The following RAPGEF2 variants were observed in gnomAD, a reference collection of about 807,000 sequenced individuals.
RAPGEF2 encodes PDZ domain containing guanine nucleotide exchange factor (GEF) 1.
Under a neutral mutation model 186.7 loss-of-function variants are expected in RAPGEF2, and 54 were observed. The observed-to-expected ratio is 0.29, with a 90% CI of 0.23 to 0.36. The LOEUF (loss-of-function observed/expected upper bound fraction) is 0.36, where lower values mean the gene tolerates loss of function less well. RAPGEF2 is among the 10% of genes least tolerant of loss of function. The pLI, the probability that RAPGEF2 is intolerant of heterozygous loss-of-function variation, is 1.00. For missense variants in RAPGEF2, 1,532 were observed against 2,045.0 expected (o/e 0.75, Z 4.84); for synonymous variants, 712 against 705.9 (o/e 1.01, Z -0.14).
intron 25 of RAPGEF2, among the ~76,000 whole-genome samples, chr4:159,349,348 C>T (rs1730843797): frequency 6.6e-6 from 1 of 152,122 alleles, no homozygotes; most frequent in Non-Finnish European, 1.5e-5. Flanking sequence ...ATTGAGAGTG[C>T]CTCATAATAA....
At chr4:159,339,447 ATGAG>A (rs1319454815) in intron 19 of RAPGEF2, 93 bp downstream of exon 19, 1 of 1,411,844 alleles carries the variant, frequency 7.1e-7, no homozygotes, top group Non-Finnish European at 9.6e-7. Context: ...TGTTTTTTAA[ATGAG>A]TAAGTGTCCC....
intron 4 of RAPGEF2, among the ~76,000 whole-genome samples, chr4:159,233,450 AT>A (rs1561119284): frequency 6.6e-6 from 1 of 152,354 alleles, no homozygotes; most frequent in Admixed American, 6.5e-5. Flanking sequence ...CTTGTCAAAA[AT>A]CAACTGGTCA....
intron 1 of RAPGEF2, among the ~76,000 whole-genome samples, chr4:159,120,269 C>T (rs1739516746): frequency 1.3e-5 from 2 of 152,230 alleles, no homozygotes; most frequent in Non-Finnish European, 2.9e-5. Flanking sequence ...ATCTACATGC[C>T]TTGGCCTCCC....
At chr4:159,292,087 C>T (rs1044054649) in intron 7 of RAPGEF2, among the ~76,000 whole-genome samples, 22 of 152,078 alleles carry the variant, frequency 1.4e-4, no homozygotes, top group African/African-American at 4.8e-4. Flanking sequence ...ACCACCGTTG[C>T]TGATATTTAA....
chr4:159,255,039 C>T (rs905460177), intron 7 of RAPGEF2, among the ~76,000 whole-genome samples: 5 of 152,158 alleles, frequency 3.3e-5, no homozygotes, highest in Non-Finnish European at 5.9e-5. Flanking sequence ...TTTACATATA[C>T]AAATACTATT....
intron 1 of RAPGEF2, among the ~76,000 whole-genome samples, chr4:159,153,088 C>G (rs1743739783): frequency 1.3e-5 from 2 of 152,140 alleles, no homozygotes; most frequent in Non-Finnish European, 2.9e-5. Context: ...TATATTATTT[C>G]AATAATCTTT....
chr4:159,202,589 C>T (rs146342481), intron 3 of RAPGEF2, among the ~76,000 whole-genome samples: 17 of 152,152 alleles, frequency 1.1e-4, no homozygotes, highest in Non-Finnish European at 1.9e-4. Context: ...TTGTCAGTCC[C>T]CCTTGGCTTT....
intron 4 of RAPGEF2, among the ~76,000 whole-genome samples, chr4:159,234,908 T>G (rs1208690382): frequency 6.6e-6 from 1 of 152,152 alleles, no homozygotes; most frequent in East Asian, 1.9e-4. Context: ...TACAGGTGCC[T>G]GCCATCATGC....
At position 159,143,161 on chromosome 4, in the gene RAPGEF2, TC is replaced by T. The variant is rs560603525; in HGVS notation, c.69+38932del. Among the ~76,000 whole-genome samples the T allele has an allele frequency of 2.8e-4, 42 of 152,202 alleles. 1 individual carries two copies. The South Asian group carries it at 8.5e-3, about 31-fold the overall frequency. ...CTGAAAATCACTTGAGCTCAGGAGTTCCAGGCTGTATCATATGATGATCGCT... is the reference window on the plus strand; with the variant it reads ...CTGAAAATCACTTGAGCTCAGGAGTTCAGGCTGTATCATATGATGATCGCT... On this transcript the variant is annotated intron_variant, in intron 1 of 29. Transcript: ENST00000691494.
chr4:159,126,210 A>G (rs1352572627), intron 1 of RAPGEF2, among the ~76,000 whole-genome samples: 1 of 152,152 alleles, frequency 6.6e-6, no homozygotes, highest in East Asian at 1.9e-4. Context: ...ACTGTGTAGC[A>G]TTTTATACAT....
chr4:159,142,737 T>G (rs1742491742), intron 1 of RAPGEF2, among the ~76,000 whole-genome samples: 1 of 152,198 alleles, frequency 6.6e-6, no homozygotes, highest in African/African-American at 2.4e-5. Flanking sequence ...TCTTCTCTCT[T>G]ATAAATAGTA....
At chr4:159,238,129 C>A (rs1314595093) in intron 4 of RAPGEF2, among the ~76,000 whole-genome samples, 1 of 152,110 alleles carries the variant, frequency 6.6e-6, no homozygotes, top group Non-Finnish European at 1.5e-5. Flanking sequence ...GTTTGCATAT[C>A]CCTATGTCAG....
chr4:159,302,302 A>C (rs1762764820), intron 7 of RAPGEF2, among the ~76,000 whole-genome samples: 1 of 150,562 alleles, frequency 6.6e-6, no homozygotes, highest in South Asian at 2.1e-4. Context: ...AAATATAAAA[A>C]TTCATTAGAT....
chr4:159,131,519 A>ATTGTTTTTTTTTTTTTTTTTTTTTTT, intron 1 of RAPGEF2, among the ~76,000 whole-genome samples: 9 of 37,210 alleles, frequency 2.4e-4, no homozygotes, highest in African/African-American at 6.0e-4. Flanking sequence ...ATTAATTGCT[A>ATTGTTTTTTTTTTTTTTTTTTTTTTT]TTTTTTTTTT....
chr4:159,229,597 A>G (rs983744577), intron 4 of RAPGEF2: 2 of 152,152 alleles, frequency 1.3e-5, no homozygotes, highest in Non-Finnish European at 2.9e-5. Flanking sequence ...TGTTTTCTCT[A>G]TATTATATGG....
intron 17 of RAPGEF2, among the ~76,000 whole-genome samples, chr4:159,334,204 A>G (rs1189184965): frequency 6.6e-6 from 1 of 152,150 alleles, no homozygotes; most frequent in Non-Finnish European, 1.5e-5. Flanking sequence ...TGAAAACCTT[A>G]TTTTTAAATG....
intron 1 of RAPGEF2, among the ~76,000 whole-genome samples, chr4:159,146,475 A>G (rs774555692): frequency 6.6e-6 from 1 of 152,090 alleles, no homozygotes; most frequent in Non-Finnish European, 1.5e-5. Context: ...GATAAAAGTC[A>G]TTTGATGACT....
chr4:159,299,468 G>C (rs140519013), intron 7 of RAPGEF2, among the ~76,000 whole-genome samples: 12 of 150,136 alleles, frequency 8.0e-5, no homozygotes, highest in African/African-American at 2.7e-4. Flanking sequence ...AGCCTCTGTT[G>C]ATAATAAAAT....
chr4:159,208,731 A>G (rs527792455), intron 3 of RAPGEF2, among the ~76,000 whole-genome samples: 9 of 152,304 alleles, frequency 5.9e-5, no homozygotes, highest in Middle Eastern at 3.4e-3. Flanking sequence ...ATTTGATGCA[A>G]TTGACTATGT....
Sources: allele counts gnomAD v4.1 joint callset (sites outside exome capture counted in the v4.1 genomes callset), GRCh38; gene constraint gnomAD v4.1.1; transcripts MANE v1.5; gene names NCBI Gene and HGNC (gene_info 2026-07-23, HGNC 2026-07-21).